Variants in ATRNL1 observed in about 807,000 individuals in gnomAD.
ATRNL1 encodes attractin-like protein 1.
ATRNL1 carries 95 observed loss-of-function variants against 182.7 expected under a neutral mutation model. The ratio of observed to expected loss-of-function variants is 0.52; its 90% CI spans 0.44 to 0.62. The LOEUF (loss-of-function observed/expected upper bound fraction) is 0.62, where lower values mean the gene tolerates loss of function less well. ATRNL1 is among the 20% of genes least tolerant of loss of function. The pLI is 0.00. For synonymous variants in ATRNL1, 576 were observed against 568.3 expected, an observed-to-expected ratio of 1.01 and a Z score of -0.19; for missense variants, 1,471 against 1,679.5, an observed-to-expected ratio of 0.88 and a Z score of 2.17.
At chr10:115,395,808 A>G (rs1844257655) in intron 20 of ATRNL1, among the ~76,000 whole-genome samples, 1 of 151,666 alleles carries the variant, frequency 6.6e-6, no homozygotes, top group Non-Finnish European at 1.5e-5. Context: ...GGCTATTTAA[A>G]TTGTTTTTTA....
chr10:115,909,683 TAG>T (rs556448171), intron 28 of ATRNL1: 1 of 150,204 alleles, frequency 6.7e-6, no homozygotes, highest in Non-Finnish European at 1.5e-5. Flanking sequence ...CAGCCAGTGT[TAG>T]AGAGAGATTT....
intron 21 of ATRNL1, among the ~76,000 whole-genome samples, chr10:115,449,339 A>C (rs1847169503): frequency 6.6e-6 from 1 of 152,116 alleles, no homozygotes; most frequent in South Asian, 2.1e-4. Flanking sequence ...TGGGGAGAGC[A>C]AGACTCCGGG....
intron 26 of ATRNL1, among the ~76,000 whole-genome samples, chr10:115,587,663 C>T (rs1198310990): frequency 6.6e-6 from 1 of 152,088 alleles, no homozygotes; most frequent in Non-Finnish European, 1.5e-5. Flanking sequence ...CTGTCTGGCA[C>T]TCCCTAGTGA....
At chr10:115,610,764 T>C (rs951224533) in intron 26 of ATRNL1, among the ~76,000 whole-genome samples, 1 of 152,166 alleles carries the variant, frequency 6.6e-6, no homozygotes, top group Non-Finnish European at 1.5e-5. Flanking sequence ...TTAGCAATTA[T>C]TGTTAAATAG....
Position 115,127,580 on chromosome 10 carries a change from T to C in ATRNL1, c.492-13T>C, listed in dbSNP as rs1845028625. 6.2e-7 allele frequency: 1 copy of C among 1,601,674 alleles called. No homozygotes were observed. Among genetic ancestry groups the C allele is most frequent in the Non-Finnish European group, 8.5e-7 (1 of 1,173,324 alleles). On this transcript the variant is annotated splice_polypyrimidine_tract_variant and intron_variant, in intron 3 of 28. Transcript: ENST00000355044. Reference sequence around the variant, plus strand: ...TATCTATACATACAATATTCAGTTTTGTTCTCTTTTAGTGGTTTGATAGTC... The same window carrying C: ...TATCTATACATACAATATTCAGTTTCGTTCTCTTTTAGTGGTTTGATAGTC...
chr10:115,904,393 G>A (rs1952440540), intron 28 of ATRNL1, among the ~76,000 whole-genome samples: 2 of 152,172 alleles, frequency 1.3e-5, no homozygotes, highest in African/African-American at 2.4e-5. Context: ...CCTGCAGTGT[G>A]GCTGTTGCCC....
chr10:115,933,906 C>T (rs559733895), intron 28 of ATRNL1, among the ~76,000 whole-genome samples: 2 of 152,156 alleles, frequency 1.3e-5, no homozygotes, highest in Non-Finnish European at 2.9e-5. Flanking sequence ...CCAGGGAAGC[C>T]TCATCCACTC....
intron 21 of ATRNL1, among the ~76,000 whole-genome samples, chr10:115,442,822 C>T (rs1196705188): frequency 6.6e-6 from 1 of 151,898 alleles, no homozygotes; most frequent in African/African-American, 2.4e-5. Flanking sequence ...CCTTTGATTC[C>T]TCACTTCTAT....
intron 5 of ATRNL1, among the ~76,000 whole-genome samples, chr10:115,157,558 C>T (rs1339156616): frequency 2.6e-5 from 4 of 152,052 alleles, no homozygotes; most frequent in African/African-American, 9.7e-5. Flanking sequence ...GCATTCTTTG[C>T]CTCCTTGCCT....
intron 26 of ATRNL1, among the ~76,000 whole-genome samples, chr10:115,564,985 T>C (rs1555001211): frequency 6.6e-6 from 1 of 152,020 alleles, no homozygotes; most frequent in Admixed American, 6.6e-5. Context: ...TTATTTTCAT[T>C]ATAGTCACAT....
At chr10:115,789,805 A>G (rs1166117681) in intron 27 of ATRNL1, among the ~76,000 whole-genome samples, 1 of 152,224 alleles carries the variant, frequency 6.6e-6, no homozygotes, top group Non-Finnish European at 1.5e-5. Flanking sequence ...AGTAAAAGTC[A>G]AAACAAATGC....
At chr10:115,807,279 C>G (rs1256545779) in intron 27 of ATRNL1, among the ~76,000 whole-genome samples, 1 of 152,036 alleles carries the variant, frequency 6.6e-6, no homozygotes, top group African/African-American at 2.4e-5. Flanking sequence ...CCACACCTGG[C>G]TAATTTTTGT....
chr10:115,510,747 T>C (rs781963829), intron 24 of ATRNL1, among the ~76,000 whole-genome samples: 18 of 151,992 alleles, frequency 1.2e-4, no homozygotes, highest in Non-Finnish European at 1.9e-4. Flanking sequence ...GTGTTAATGC[T>C]ATTAGCAGAG....
intron 27 of ATRNL1, among the ~76,000 whole-genome samples, chr10:115,727,684 G>C (rs1947643062): frequency 6.6e-6 from 1 of 152,144 alleles, no homozygotes; most frequent in African/African-American, 2.4e-5. Context: ...GGAGTACTCT[G>C]TGCACCAAGT....
At chr10:115,597,603 A>T (rs782164236) in intron 26 of ATRNL1, 8 of 377,272 alleles carry the variant, frequency 2.1e-5, no homozygotes, top group South Asian at 1.3e-4. Context: ...ACAGAGTCAC[A>T]CTCTTGTCAC....
At chr10:115,552,759 G>A (rs187244397) in intron 26 of ATRNL1, among the ~76,000 whole-genome samples, 5 of 151,106 alleles carry the variant, frequency 3.3e-5, no homozygotes, top group African/African-American at 1.2e-4. Context: ...CACACAAAAG[G>A]CTTCAATTTT....
intron 1 of ATRNL1, among the ~76,000 whole-genome samples, chr10:115,101,799 A>C (rs556950340): frequency 3.5e-4 from 53 of 152,188 alleles, no homozygotes; most frequent in Non-Finnish European, 7.1e-4. Flanking sequence ...GGTGGAATTC[A>C]CCATCGACAC....
chr10:115,668,116 T>G (rs1555040255), intron 26 of ATRNL1, among the ~76,000 whole-genome samples: 1 of 152,158 alleles, frequency 6.6e-6, no homozygotes, highest in Non-Finnish European at 1.5e-5. Context: ...AGATTCTGTC[T>G]AGGGACCTTT....
chr10:115,352,812 A>G (rs1554941797), intron 19 of ATRNL1, among the ~76,000 whole-genome samples: 1 of 152,158 alleles, frequency 6.6e-6, no homozygotes, highest in Non-Finnish European at 1.5e-5. Context: ...AGGCAGGAGA[A>G]TCACTTAAAC....
Sources: allele counts gnomAD v4.1 joint callset (sites outside exome capture counted in the v4.1 genomes callset), GRCh38; gene constraint gnomAD v4.1.1; transcripts MANE v1.5; gene names NCBI Gene and HGNC (gene_info 2026-07-23, HGNC 2026-07-21).